Variants in BRINP3 observed in about 807,000 individuals in gnomAD.
BRINP3 encodes BMP/retinoic acid-inducible neural-specific protein 3.
Under a neutral mutation model 71.0 loss-of-function variants are expected in BRINP3, and 19 were observed. The observed-to-expected ratio is 0.27, with a 90% CI of 0.19 to 0.39. The LOEUF is 0.39. BRINP3 is among the 10% of genes least tolerant of loss of function. The pLI is 1.00. For missense variants in BRINP3, 959 were observed against 940.8 expected, an observed-to-expected ratio of 1.02 and a Z score of -0.25; for synonymous variants, 380 against 337.7, an observed-to-expected ratio of 1.13 and a Z score of -1.37.
intron 7 of BRINP3, among the ~76,000 whole-genome samples, chr1:190,123,308 C>A (rs1281113628): frequency 6.6e-6 from 1 of 152,046 alleles, no homozygotes; most frequent in African/African-American, 2.4e-5. Context: ...GGAACTGGGG[C>A]AAATATGCAG....
chr1:190,442,736 CGT>C lies in BRINP3; in HGVS notation c.236+11917_236+11918del, dbSNP rs35322332. On this transcript the variant is annotated intron_variant, in intron 2 of 7. Coordinates refer to ENST00000367462, the MANE Select transcript of BRINP3 (RefSeq NM_199051.3). ...TGTGTGTATTTTCTTCATGCCTGTG[CGT>C]GTGTGTGTGTATTTTCTTCAAATGT... Among the ~76,000 whole-genome samples the C allele has an allele frequency of 4.2e-3, 619 of 149,030 alleles. 2 individuals carry two copies. The highest frequency in any genetic ancestry group is 5.5e-3 in the Non-Finnish European group (372 of 67,192).
chr1:190,273,511 T>C (rs1460848944), intron 3 of BRINP3, among the ~76,000 whole-genome samples: 1 of 151,512 alleles, frequency 6.6e-6, no homozygotes, highest in East Asian at 1.9e-4. Flanking sequence ...TGGTTTATGG[T>C]CATTAAAAGC....
At chr1:190,404,104 G>C (rs546403428) in intron 2 of BRINP3, among the ~76,000 whole-genome samples, 3 of 152,216 alleles carry the variant, frequency 2.0e-5, no homozygotes, top group African/African-American at 7.2e-5. Flanking sequence ...AATACTATTT[G>C]AACCCTAAAT....
At chr1:190,100,125 A>G (rs761139265) in intron 7 of BRINP3, among the ~76,000 whole-genome samples, 1 of 152,162 alleles carries the variant, frequency 6.6e-6, no homozygotes, top group Non-Finnish European at 1.5e-5. Flanking sequence ...CCATGTTGAG[A>G]TTTTGTGAGA....
chr1:190,429,198 TG>T (rs1305728569), intron 2 of BRINP3, among the ~76,000 whole-genome samples: 2 of 152,176 alleles, frequency 1.3e-5, no homozygotes, highest in Non-Finnish European at 2.9e-5. Flanking sequence ...TATAATTTTT[TG>T]TCTTTATAAA....
At chr1:190,223,671 TC>T (rs1359519802) in intron 6 of BRINP3, among the ~76,000 whole-genome samples, 1 of 151,712 alleles carries the variant, frequency 6.6e-6, no homozygotes, top group Admixed American at 6.6e-5. Flanking sequence ...GAAAGTCCTC[TC>T]CAGAACAAGT....
chr1:190,329,405 C>T (rs1425158026), intron 2 of BRINP3, among the ~76,000 whole-genome samples: 1 of 151,600 alleles, frequency 6.6e-6, no homozygotes, highest in African/African-American at 2.4e-5. Context: ...CTGAGAGCTA[C>T]ATCAATAATA....
At chr1:190,460,459 A>G (rs1323480341) in intron 1 of BRINP3, among the ~76,000 whole-genome samples, 1 of 152,096 alleles carries the variant, frequency 6.6e-6, no homozygotes, top group East Asian at 1.9e-4. Flanking sequence ...ATAAATTTTC[A>G]ATACTTTTTC....
intron 2 of BRINP3, among the ~76,000 whole-genome samples, chr1:190,295,164 G>C (rs1210850930): frequency 6.6e-6 from 1 of 152,032 alleles, no homozygotes; most frequent in Non-Finnish European, 1.5e-5. Flanking sequence ...CAAGGCCTGA[G>C]GCTACGTTAG....
chr1:190,312,563 A>G (rs1665609749), intron 2 of BRINP3, among the ~76,000 whole-genome samples: 1 of 151,772 alleles, frequency 6.6e-6, no homozygotes, highest in Non-Finnish European at 1.5e-5. Context: ...AAAATAGGAA[A>G]TGAAATAGAC....
At chr1:190,339,384 C>T (rs1368597594) in intron 2 of BRINP3, among the ~76,000 whole-genome samples, 1 of 151,978 alleles carries the variant, frequency 6.6e-6, no homozygotes, top group Non-Finnish European at 1.5e-5. Flanking sequence ...AGAACTCTTA[C>T]ACATCTTTCT....
At chr1:190,369,948 A>T (rs1474704691) in intron 2 of BRINP3, among the ~76,000 whole-genome samples, 2 of 152,200 alleles carry the variant, frequency 1.3e-5, no homozygotes, top group Non-Finnish European at 2.9e-5. Flanking sequence ...GATTTATTAA[A>T]TATTTTAAAC....
intron 2 of BRINP3, among the ~76,000 whole-genome samples, chr1:190,365,806 GTATATATA>G (rs66540359): frequency 4.5e-4 from 57 of 127,862 alleles, no homozygotes; most frequent in African/African-American, 9.8e-4. Flanking sequence ...GAGAGCAAGT[GTATATATA>G]TATATATATA....
chr1:190,320,032 A>G (rs907298440), intron 2 of BRINP3, among the ~76,000 whole-genome samples: 2 of 151,762 alleles, frequency 1.3e-5, no homozygotes, highest in African/African-American at 4.8e-5. Flanking sequence ...GTGTGTGTGT[A>G]AATGTATGTG....
At chr1:190,154,722 C>T in intron 7 of BRINP3, among the ~76,000 whole-genome samples, 1 of 152,106 alleles carries the variant, frequency 6.6e-6, no homozygotes, top group East Asian at 1.9e-4. Context: ...AAACAAGACA[C>T]ATGAATAAAG....
intron 2 of BRINP3, among the ~76,000 whole-genome samples, chr1:190,359,318 T>C (rs1399342373): frequency 6.6e-6 from 1 of 152,090 alleles, no homozygotes; most frequent in Non-Finnish European, 1.5e-5. Flanking sequence ...ATATTAACAC[T>C]GATTTACCAT....
At chr1:190,204,138 T>G (rs186553223) in intron 6 of BRINP3, among the ~76,000 whole-genome samples, 141 of 151,912 alleles carry the variant, frequency 9.3e-4, no homozygotes, top group Admixed American at 2.5e-3. Flanking sequence ...TAAGAGCTGG[T>G]TAAATTTTGC....
chr1:190,405,714 A>G (rs563501976), intron 2 of BRINP3, among the ~76,000 whole-genome samples: 3 of 152,132 alleles, frequency 2.0e-5, no homozygotes, highest in African/African-American at 7.2e-5. Context: ...AAAACACACA[A>G]TAATATTGTT....
chr1:190,260,090 AAAAGG>A (rs971933405), intron 4 of BRINP3, among the ~76,000 whole-genome samples: 1 of 151,414 alleles, frequency 6.6e-6, no homozygotes, highest in African/African-American at 2.4e-5. Context: ...AAAGAAAAAG[AAAAGG>A]AAAGCAAAAA....
Sources: gnomAD v4.1 joint callset for allele counts (sites outside exome capture counted in the v4.1 genomes callset) on GRCh38, gnomAD v4.1.1 for gene constraint, MANE v1.5 for transcripts, NCBI Gene and HGNC (gene_info 2026-07-23, HGNC 2026-07-21) for gene names.